Variants in GC observed in about 807,000 individuals in gnomAD.
The protein encoded by GC is GC vitamin D binding protein, also known as vitamin D-binding protein.
GC carries 43 observed loss-of-function variants against 56.7 expected under a neutral mutation model. The observed-to-expected ratio is 0.76, with a 90% CI of 0.59 to 0.98. GC has a LOEUF of 0.98. GC is among the 50% of genes least tolerant of loss of function. The pLI, the probability that GC is intolerant of heterozygous loss-of-function variation, is 0.00. For missense variants in GC, 529 were observed against 545.9 expected, an observed-to-expected ratio of 0.97 and a Z score of 0.31; for synonymous variants, 216 against 202.7, an observed-to-expected ratio of 1.07 and a Z score of -0.56.
At chr4:71,744,582 T>G (rs960113803) in intron 12 of GC, among the ~76,000 whole-genome samples, 6 of 152,212 alleles carry the variant, frequency 3.9e-5, no homozygotes, top group Non-Finnish European at 5.9e-5. Context: ...TTAATTAGTT[T>G]TCCCAAAGCC....
At chr4:71,774,993 G>GA (rs1346016912) in intron 1 of GC, among the ~76,000 whole-genome samples, 1 of 148,742 alleles carries the variant, frequency 6.7e-6, no homozygotes, top group Non-Finnish European at 1.5e-5. Context: ...ATCAGTCCTG[G>GA]AAAAAAGTCA....
At chr4:71,799,694 T>C (rs1268926430) in intron 1 of GC, among the ~76,000 whole-genome samples, 1 of 152,168 alleles carries the variant, frequency 6.6e-6, no homozygotes, top group Non-Finnish European at 1.5e-5. Flanking sequence ...AGATTTTACC[T>C]GGGAGGAGAA....
chr4:71,758,309 A>G (rs535186997), intron 6 of GC, 138 bp from the exon 7 acceptor site: 84 of 681,258 alleles, frequency 1.2e-4, no homozygotes, highest in Non-Finnish European at 1.9e-4. Flanking sequence ...CACATCTGCC[A>G]TGCGATAGAT....
intron 1 of GC, among the ~76,000 whole-genome samples, chr4:71,776,497 G>T (rs1191919792): frequency 6.6e-6 from 1 of 151,854 alleles, no homozygotes; most frequent in Non-Finnish European, 1.5e-5. Context: ...GAGGCTGCAG[G>T]GAGAAGAGGA....
intron 10 of GC, 61 bp from the exon 11 acceptor site, chr4:71,752,711 TG>T (rs1338867175): frequency 7.4e-7 from 1 of 1,350,174 alleles, no homozygotes; most frequent in Non-Finnish European, 1.0e-6. Flanking sequence ...AAATTTCTAA[TG>T]CAAAATAATA....
chr4:71,784,676 G>A (rs138108427), upstream of GC, among the ~76,000 whole-genome samples: 104 of 151,844 alleles, frequency 6.8e-4, 1 homozygote, highest in Non-Finnish European at 1.1e-3. Context: ...GTGAAGCACT[G>A]ACATATATAT....
intron 3 of GC, among the ~76,000 whole-genome samples, chr4:71,766,548 T>G (rs1011247494): frequency 1.3e-5 from 2 of 152,212 alleles, no homozygotes; most frequent in African/African-American, 4.8e-5. Context: ...GGGATTTATA[T>G]GGGAAACAGT....
At chr4:71,758,194 G>C (rs1408193212) in intron 6 of GC, 23 bp from the exon 7 acceptor site, 1 of 1,599,674 alleles carries the variant, frequency 6.3e-7, no homozygotes, top group South Asian at 1.1e-5. Flanking sequence ...AAATAAATAT[G>C]TTAGCTTATC....
chr4:71,784,202 CAA>C, upstream of GC: 1 of 1,284,296 alleles, frequency 7.8e-7, no homozygotes, highest in Non-Finnish European at 9.9e-7. Context: ...ATCTTTGGCC[CAA>C]AAGAGATAAA....
chr4:71,744,173 T>C (rs992783967), intron 12 of GC, among the ~76,000 whole-genome samples: 6 of 151,284 alleles, frequency 4.0e-5, no homozygotes, highest in Non-Finnish European at 7.4e-5. Context: ...CCAGGCACAG[T>C]GGCTCATGCC....
At chr4:71,748,449 A>G (rs1741446692) in intron 11 of GC, among the ~76,000 whole-genome samples, 1 of 152,046 alleles carries the variant, frequency 6.6e-6, no homozygotes, top group Non-Finnish European at 1.5e-5. Context: ...ATTCCAGCAT[A>G]TTACAATGAC....
chr4:71,758,159 C>T lies in GC; in HGVS notation c.714G>A (p.Lys238=), dbSNP rs745927733. Residue 238 remains lysine (K), a synonymous_variant, in exon 7 of 13, where the codon AAG becomes AAA. Coordinates refer to ENST00000273951, the MANE Select transcript of GC (RefSeq NM_000583.4). ...EKKSRLSNLI[K]LAQKVPTADL... Reference sequence around the variant, plus strand: ...CAGCAGTAGGCACTTTTTGGGCTAACTTTATGAGATTGCTAAACAGTTAAA... The same window carrying T: ...CAGCAGTAGGCACTTTTTGGGCTAATTTTATGAGATTGCTAAACAGTTAAA... The T allele has an allele frequency of 6.2e-7, 1 of 1,612,916 alleles. No individual in the cohort carries two copies. Among genetic ancestry groups the T allele is most frequent in the Admixed American group, 1.7e-5 (1 of 59,886 alleles).
chr4:71,765,579 G>T lies in GC; in HGVS notation c.326C>A (p.Ala109Asp). The T allele has an allele frequency of 6.2e-7, 1 of 1,613,576 alleles. No homozygotes were observed. Among genetic ancestry groups the T allele is most frequent in the Non-Finnish European group, 8.5e-7 (1 of 1,179,634 alleles). ...NSPFPVHPGT[A>D]ECCTKEGLER... ...CAGGCCCTCTTTGGTGCAGCACTCA[G>T]CAGTGCCTGGGTGAACGGGGAATGG... is the stretch of plus-strand genomic sequence containing the variant. Residue 109 changes from alanine to aspartate, a missense_variant, in exon 4 of 13, where the codon GCT becomes GAT. Ala to Asp is a moderately radical substitution (Grantham distance 126). Transcript: ENST00000273951.
intron 1 of GC, among the ~76,000 whole-genome samples, chr4:71,777,457 G>A (rs1742543732): frequency 6.6e-6 from 1 of 150,774 alleles, no homozygotes; most frequent in Admixed American, 6.7e-5. Context: ...TTTTCTATAG[G>A]ATATATACTA....
In GC at chr4:71,756,869, T is replaced by C. The variant is rs1741793126; in HGVS notation, c.877A>G (p.Asn293Asp). The change falls in exon 8 of 13, where the codon AAT (asparagine) becomes GAT (aspartate). Residue 293 changes from asparagine (N) to aspartate (D), a missense_variant. By Grantham distance (23) the Asn-to-Asp change is conservative. Coordinates refer to ENST00000273951, the MANE Select transcript of GC (RefSeq NM_000583.4). ...VKLCDNLSTK[N>D]SKFEDCCQEK... Reference sequence around the variant, plus strand: ...TGACAACAGTCTTCAAACTTAGAATTCTTTGTGGATAAATTGTCACAGAGT... The same window carrying C: ...TGACAACAGTCTTCAAACTTAGAATCCTTTGTGGATAAATTGTCACAGAGT... 6.2e-7 allele frequency: 1 copy of C among 1,613,850 alleles called. No individual in the cohort carries two copies. Among genetic ancestry groups the C allele is most frequent in the African/African-American group, 1.3e-5 (1 of 75,040 alleles).
In GC at chr4:71,755,030, CT is replaced by C; in HGVS notation, c.1111del (p.Ser371AlafsTer22). On this transcript the variant is annotated frameshift_variant, in exon 9 of 13. Transcript: ENST00000273951. LOFTEE classifies it high-confidence loss of function. ...TTCAACATCACAGCATTCACCAAGG[CT>C]TTTTAGGGTTGGCTCAAGTACCTTA... is the stretch of plus-strand genomic sequence containing the variant. ...LSKVLEPTLKSLGECCDVEDS... is the reference protein window; with the variant it reads ...LSKVLEPTLKXLGECCDVEDS... 1.2e-6 allele frequency: 2 copies of C among 1,600,862 alleles called. No homozygotes were observed. The highest frequency in any genetic ancestry group is 1.8e-5 in the Admixed American group (1 of 56,972).
At chr4:71,782,030 G>A (rs943953820) in intron 1 of GC, among the ~76,000 whole-genome samples, 1 of 151,586 alleles carries the variant, frequency 6.6e-6, no homozygotes, top group Non-Finnish European at 1.5e-5. Context: ...GAACCTTTAG[G>A]ACGACAAAGG....
At chr4:71,744,539 C>T (rs973133293) in intron 12 of GC, among the ~76,000 whole-genome samples, 4 of 151,682 alleles carry the variant, frequency 2.6e-5, no homozygotes, top group South Asian at 4.2e-4. Context: ...TTATTACTTC[C>T]TCCTTACTTA....
chr4:71,767,214 C>T (rs222014), intron 3 of GC, among the ~76,000 whole-genome samples: 13,659 of 152,050 alleles, frequency 0.09, 701 homozygotes, highest in Non-Finnish European at 0.1. Context: ...ATCTTTGGAG[C>T]ATTGTTTCTG....
Sources: gnomAD v4.1 joint callset for allele counts (sites outside exome capture counted in the v4.1 genomes callset) on GRCh38, gnomAD v4.1.1 for gene constraint, MANE v1.5 for transcripts, NCBI Gene and HGNC (gene_info 2026-07-23, HGNC 2026-07-21) for gene names.